The following SLC4A5 variants were observed in gnomAD, a reference collection of about 807,000 sequenced individuals.
SLC4A5 encodes the protein electrogenic sodium bicarbonate cotransporter 4.
A neutral mutation model predicts 120.4 loss-of-function variants in SLC4A5; 96 were observed. The ratio of observed to expected loss-of-function variants is 0.80; its 90% CI spans 0.68 to 0.94. SLC4A5 has a LOEUF of 0.94. Ranked by LOEUF, SLC4A5 falls within the 40% of genes least tolerant of loss-of-function variation. The pLI is 0.00. For synonymous variants in SLC4A5, 550 were observed against 571.1 expected (o/e 0.96, Z 0.53); for missense variants, 1,259 against 1,459.5 (o/e 0.86, Z 2.24).
intron 8 of SLC4A5, among the ~76,000 whole-genome samples, chr2:74,278,175 G>A (rs967564005): frequency 1.6e-4 from 24 of 152,330 alleles, no homozygotes; most frequent in Non-Finnish European, 2.6e-4. Context: ...GCTATCCAGG[G>A]ATGACTTTGG....
At chr2:74,256,513 T>C (rs1670969473) in intron 12 of SLC4A5, among the ~76,000 whole-genome samples, 1 of 152,162 alleles carries the variant, frequency 6.6e-6, no homozygotes. Context: ...AGGAAATTCA[T>C]CACTTCTGGA....
chr2:74,311,727 G>T (rs868663885), intron 6 of SLC4A5, among the ~76,000 whole-genome samples: 9 of 152,206 alleles, frequency 5.9e-5, no homozygotes, highest in Middle Eastern at 3.4e-3. Context: ...CCAGAATGTG[G>T]TCTGTCTTGG....
intron 26 of SLC4A5, 145 bp from the exon 27 acceptor site, chr2:74,227,275 G>C (rs1292547103): frequency 9.7e-7 from 1 of 1,031,232 alleles, no homozygotes; most frequent in South Asian, 1.7e-5. Context: ...AGGGGGGCTG[G>C]AGGTGTCTAG....
At chr2:74,234,762 A>G (rs1424628413) in intron 22 of SLC4A5, among the ~76,000 whole-genome samples, 1 of 152,174 alleles carries the variant, frequency 6.6e-6, no homozygotes, top group Non-Finnish European at 1.5e-5. Context: ...ATCAGTTTCA[A>G]TGGATCCCAT....
intron 21 of SLC4A5, among the ~76,000 whole-genome samples, chr2:74,237,477 T>C (rs1670304958): frequency 6.6e-6 from 1 of 152,240 alleles, no homozygotes; most frequent in Non-Finnish European, 1.5e-5. Context: ...CTTGTCTTGA[T>C]GGTGCATTTG....
chr2:74,254,370 C>A (rs982718553), intron 14 of SLC4A5, among the ~76,000 whole-genome samples: 1 of 152,208 alleles, frequency 6.6e-6, no homozygotes, highest in African/African-American at 2.4e-5. Flanking sequence ...ATCTGTGAAG[C>A]CCTCCTTGAC....
intron 5 of SLC4A5, among the ~76,000 whole-genome samples, chr2:74,318,442 TG>T (rs1347657734): frequency 6.6e-6 from 1 of 152,172 alleles, no homozygotes; most frequent in African/African-American, 2.4e-5. Context: ...CCCAGCACTT[TG>T]GGAGGCAGAG....
At chr2:74,311,766 T>C (rs1290823649) in intron 6 of SLC4A5, among the ~76,000 whole-genome samples, 2 of 152,258 alleles carry the variant, frequency 1.3e-5, no homozygotes, top group Non-Finnish European at 2.9e-5. Context: ...TTGAGAAGAA[T>C]GTGCATTCTG....
At chr2:74,249,331 A>G (rs1047980838) in intron 17 of SLC4A5, among the ~76,000 whole-genome samples, 8 of 152,078 alleles carry the variant, frequency 5.3e-5, no homozygotes, top group African/African-American at 1.9e-4. Context: ...ATGAGCAGAG[A>G]ATTGGCCAGG....
At chr2:74,265,826 C>T (rs1430228520) in intron 8 of SLC4A5, among the ~76,000 whole-genome samples, 1 of 152,094 alleles carries the variant, frequency 6.6e-6, no homozygotes, top group Non-Finnish European at 1.5e-5. Context: ...AATTCACATG[C>T]CATCCAGGGA....
intron 3 of SLC4A5, among the ~76,000 whole-genome samples, chr2:74,334,495 C>T (rs1372430181): frequency 1.3e-5 from 2 of 152,232 alleles, no homozygotes; most frequent in African/African-American, 4.8e-5. Context: ...CCTTCCCTGA[C>T]CAGCCCATCT....
At chr2:74,277,642 T>C (rs924462678) in intron 8 of SLC4A5, among the ~76,000 whole-genome samples, 6 of 152,206 alleles carry the variant, frequency 3.9e-5, no homozygotes, top group African/African-American at 1.4e-4. Context: ...CTGATGGCTG[T>C]GATCCTAACA....
intron 18 of SLC4A5, among the ~76,000 whole-genome samples, chr2:74,247,546 T>C (rs1295740461): frequency 6.6e-6 from 1 of 151,672 alleles, no homozygotes; most frequent in Non-Finnish European, 1.5e-5. Flanking sequence ...AAAGAGTCTC[T>C]CTCTGTCACC....
intron 5 of SLC4A5, among the ~76,000 whole-genome samples, chr2:74,320,450 A>G (rs1673067876): frequency 6.6e-6 from 1 of 152,256 alleles, no homozygotes; most frequent in South Asian, 2.1e-4. Context: ...AATTGATATC[A>G]GATTTCTCAA....
chr2:74,239,601 A>G (rs572319253), intron 20 of SLC4A5, 66 bp from the exon 21 acceptor site: 50 of 1,519,998 alleles, frequency 3.3e-5, no homozygotes, highest in Non-Finnish European at 4.2e-5. Flanking sequence ...TGTCCTTCCC[A>G]CTGCAGTCCC....
chr2:74,286,032 C>T (rs1054603975), intron 7 of SLC4A5, 130 bp from the exon 8 acceptor site: 32 of 1,096,878 alleles, frequency 2.9e-5, no homozygotes, highest in Non-Finnish European at 3.6e-5. Context: ...CTAAGTCCAG[C>T]TCCTGGGTGA....
chr2:74,307,690 G>C, intron 6 of SLC4A5: 1 of 932,808 alleles, frequency 1.1e-6, no homozygotes, highest in South Asian at 1.3e-5. Flanking sequence ...TTGCTCTCCA[G>C]CTTCCTGTTA....
chr2:74,237,499 A>G (rs1490345229), intron 21 of SLC4A5, among the ~76,000 whole-genome samples: 1 of 152,198 alleles, frequency 6.6e-6, no homozygotes, highest in African/African-American at 2.4e-5. Flanking sequence ...GTTGTAAGCA[A>G]ACTATTTTTT....
intron 30 of SLC4A5, among the ~76,000 whole-genome samples, chr2:74,219,576 G>A (rs532968563): frequency 6.6e-6 from 1 of 152,188 alleles, no homozygotes; most frequent in East Asian, 1.9e-4. Context: ...AATGAGGTTG[G>A]GAGATACCAT....
Sources: gnomAD v4.1 joint callset for allele counts (sites outside exome capture counted in the v4.1 genomes callset) on GRCh38, gnomAD v4.1.1 for gene constraint, MANE v1.5 for transcripts, NCBI Gene and HGNC (gene_info 2026-07-23, HGNC 2026-07-21) for gene names.